ENKUR: variants seen among roughly 807,000 people sequenced by gnomAD.
The protein encoded by ENKUR is enkurin.
In ENKUR, 19 loss-of-function variants were observed where a neutral mutation model predicts 27.6. The ratio of observed to expected loss-of-function variants is 0.69; its 90% CI spans 0.48 to 1.01. ENKUR has a LOEUF of 1.01. ENKUR is among the 50% of genes least tolerant of loss of function. ENKUR has a pLI of 0.00. For synonymous variants in ENKUR, 117 were observed against 96.9 expected, an observed-to-expected ratio of 1.21 and a Z score of -1.22; for missense variants, 312 against 310.5, an observed-to-expected ratio of 1.00 and a Z score of -0.04.
Position 24,990,474 on chromosome 10 carries a change from C to T in ENKUR, c.583G>A (p.Ala195Thr). 6.2e-7 allele frequency: 1 copy of T among 1,611,964 alleles called. No individual in the cohort carries two copies. Among genetic ancestry groups the T allele is most frequent in the Non-Finnish European group, 8.5e-7 (1 of 1,179,518 alleles). The change falls in exon 4 of 6, where the codon GCA (alanine) becomes ACA (threonine). Residue 195 changes from alanine (A) to threonine (T), a missense_variant. Ala to Thr is a moderately conservative substitution (Grantham distance 58, BLOSUM62 0). Coordinates refer to ENST00000331161, the MANE Select transcript of ENKUR (RefSeq NM_145010.4). The stretch of plus-strand genomic sequence containing the variant: ...GGCAGAACACACACCTGCAAAACTG[C>T]CTCCCTTTCTTCATCGGAGAGCCTT... ...MKRLSDEERE[A>T]VLQGLKKNWE...
intron 2 of ENKUR, among the ~76,000 whole-genome samples, chr10:25,060,763 A>G (rs1414684130): frequency 2.0e-5 from 3 of 152,186 alleles, no homozygotes; most frequent in African/African-American, 4.8e-5. Flanking sequence ...GCTTGACTGC[A>G]GTGGCACAAT....
At chr10:25,019,079 C>G (rs1200380742), upstream of ENKUR, among the ~76,000 whole-genome samples, 3 of 152,206 alleles carry the variant, frequency 2.0e-5, no homozygotes, top group East Asian at 5.8e-4. Flanking sequence ...AGCAGTAGAG[C>G]TTAACCTCCT....
rs139011367 is a variant in ENKUR, at chr10:25,004,534, A to T, written c.78-4988T>A. Among the ~76,000 whole-genome samples, 409 of 152,264 alleles carry T rather than the reference A, an allele frequency of 2.7e-3. 1 individual carries two copies. Among genetic ancestry groups the T allele is most frequent in the South Asian group, 7.7e-3 (37 of 4,830 alleles). ...GATCAGTGATGTTAAGCTTTTCTTC[A>T]TATGCTTGTTGGTCACATGTATGTC... On this transcript the variant is annotated intron_variant, in intron 1 of 5. Transcript: ENST00000331161.
intron 2 of ENKUR, among the ~76,000 whole-genome samples, chr10:25,045,667 C>A (rs1851114196): frequency 6.6e-6 from 1 of 152,042 alleles, no homozygotes; most frequent in Admixed American, 6.6e-5. Context: ...AAAAGAATCC[C>A]ACTTCTCTTC....
intron 2 of ENKUR, among the ~76,000 whole-genome samples, chr10:25,027,403 G>A (rs1161616132): frequency 7.1e-6 from 1 of 141,426 alleles, no homozygotes; most frequent in Non-Finnish European, 1.5e-5. Context: ...CAGGCATGGT[G>A]GCGCATGCCT....
chr10:25,012,028 C>T (rs1850458378), intron 1 of ENKUR, among the ~76,000 whole-genome samples: 1 of 152,190 alleles, frequency 6.6e-6, no homozygotes, highest in Non-Finnish European at 1.5e-5. Flanking sequence ...ACTTGGTGCC[C>T]TGAGTCACAG....
At chr10:25,021,866 A>G (rs1234624575) in intron 2 of ENKUR, 1 of 152,342 alleles carries the variant, frequency 6.6e-6, no homozygotes, top group East Asian at 1.9e-4. Context: ...GAAAAGTCAA[A>G]TAAGGAAATG....
At chr10:25,061,243 A>G in exon 2 of ENKUR, 2 of 1,104,620 alleles carry the variant, frequency 1.8e-6, no homozygotes, top group African/African-American at 1.5e-5. Context: ...TTGCAGCTAT[A>G]TGGTTGATGC....
upstream of ENKUR, among the ~76,000 whole-genome samples, chr10:25,020,238 ATATATCTATATC>A (rs1554772119): frequency 3.0e-4 from 38 of 126,634 alleles, no homozygotes; most frequent in Middle Eastern, 8.1e-3. Context: ...TTTCTTTAAA[ATATATCTATATC>A]TATATCTATA....
chr10:25,058,657 G>A (rs1420586357), intron 2 of ENKUR, among the ~76,000 whole-genome samples: 3 of 152,132 alleles, frequency 2.0e-5, no homozygotes, highest in African/African-American at 7.2e-5. Context: ...GAGGCCAGGT[G>A]CAGTGGCTCA....
intron 2 of ENKUR, among the ~76,000 whole-genome samples, chr10:25,052,143 G>A (rs1016065419): frequency 6.6e-5 from 10 of 152,116 alleles, no homozygotes; most frequent in Non-Finnish European, 1.5e-5. Context: ...GGAGGGACAG[G>A]CTGGGTCTCT....
At chr10:25,057,034 C>T (rs1287868306) in intron 2 of ENKUR, among the ~76,000 whole-genome samples, 2 of 152,154 alleles carry the variant, frequency 1.3e-5, no homozygotes, top group Non-Finnish European at 2.9e-5. Context: ...GCATTCTTCT[C>T]CAAGATCAGA....
chr10:25,027,356 T>TAAAAAAAAAAAAA lies in ENKUR; in HGVS notation c.38-31488_38-31487insTTTTTTTTTTTTT, dbSNP rs1564352066. Among the ~76,000 whole-genome samples the TAAAAAAAAAAAAA allele has an allele frequency of 9.6e-3, 439 of 45,702 alleles. 79 individuals are homozygous for TAAAAAAAAAAAAA. The highest frequency in any genetic ancestry group is 0.025 in the East Asian group (42 of 1,668). The allele number at this position is 45,702 out of a possible 152,430, so 30.0% of individuals were successfully genotyped here. ...TGGGTGACAGAGCAAGACTCCCGTC[T>TAAAAAAAAAAAAA]CAAAAAAAAAAAAAAAAAAAAAAAA... On this transcript the variant is annotated intron_variant, in intron 2 of 5. Coordinates refer to the ENKUR transcript ENST00000615958.
intron 2 of ENKUR, among the ~76,000 whole-genome samples, chr10:25,027,078 G>A (rs957801000): frequency 6.6e-6 from 1 of 151,984 alleles, no homozygotes; most frequent in African/African-American, 2.4e-5. Context: ...TATTTTGCTT[G>A]GCATGGTGGC....
At chr10:25,042,939 G>T (rs905471600) in intron 2 of ENKUR, among the ~76,000 whole-genome samples, 3 of 152,098 alleles carry the variant, frequency 2.0e-5, no homozygotes, top group African/African-American at 7.2e-5. Context: ...GACAATATTA[G>T]GACAATCAGC....
intron 4 of ENKUR, among the ~76,000 whole-genome samples, chr10:24,986,232 T>C (rs554117443): frequency 6.6e-6 from 1 of 152,304 alleles, no homozygotes; most frequent in African/African-American, 2.4e-5. Flanking sequence ...TTGTAGAAAC[T>C]TTCAGGGACA....
chr10:25,003,179 TTA>T (rs879337805), intron 1 of ENKUR, among the ~76,000 whole-genome samples: 4,052 of 118,496 alleles, frequency 0.034, 74 homozygotes, highest in South Asian at 0.085. Context: ...AATTAATTAA[TTA>T]ATTTATTTAT....
At position 25,049,818 on chromosome 10, in the gene ENKUR, AT is replaced by A. The variant is rs1231669390; in HGVS notation, c.37+11293del. ...AAAAAAAAAGACTTCAAGAATTAAA[AT>A]TTAAAAAAAAAAAGAGTTAAGAGTT... On this transcript the variant is annotated intron_variant, in intron 2 of 5. Coordinates refer to the ENKUR transcript ENST00000615958. Among the ~76,000 whole-genome samples, 257 of 151,894 alleles carry A rather than the reference AT, an allele frequency of 1.7e-3. 4 individuals are homozygous for A. The highest frequency in any genetic ancestry group is 6.0e-3 in the African/African-American group (249 of 41,418).
At position 24,982,473 on chromosome 10, in the gene ENKUR, A is replaced by C. The variant is rs1285562778; in HGVS notation, c.*1897T>G. ...ACCCATTCTTCCTTTGAACAGGAAG[A>C]GAAACCAAGTCAAACTAGCTGCATA... On this transcript the variant is annotated 3_prime_UTR_variant, in exon 6 of 6. Transcript: ENST00000331161. 2 of 152,250 alleles carry C rather than the reference A, an allele frequency of 1.3e-5. No homozygotes were observed. The highest frequency in any genetic ancestry group is 2.9e-5 in the Non-Finnish European group (2 of 68,056). The allele number at this position is 152,250 out of a possible 1,614,324, so 9.4% of individuals were successfully genotyped here. A position where few individuals can be genotyped will look rare whatever the true frequency, so the allele number is the denominator to read the frequency against.
Sources: gnomAD v4.1 joint callset for allele counts (sites outside exome capture counted in the v4.1 genomes callset) on GRCh38, gnomAD v4.1.1 for gene constraint, MANE v1.5 for transcripts, NCBI Gene and HGNC (gene_info 2026-07-23, HGNC 2026-07-21) for gene names.